MGAT5: variants seen among roughly 807,000 people sequenced by gnomAD.
MGAT5 encodes alpha-1,6-mannosylglycoprotein 6-beta-N-acetylglucosaminyltransferase A.
A neutral mutation model predicts 94.3 loss-of-function variants in MGAT5; 30 were observed. The observed-to-expected ratio is 0.32, with a 90% CI of 0.24 to 0.43. The LOEUF (loss-of-function observed/expected upper bound fraction) is 0.43, where lower values mean the gene tolerates loss of function less well. Ranked by LOEUF, MGAT5 falls within the 20% of genes least tolerant of loss-of-function variation. The pLI is 1.00. For synonymous variants in MGAT5, 310 were observed against 322.9 expected (o/e 0.96, Z 0.43); for missense variants, 691 against 905.5 (o/e 0.76, Z 3.04).
chr2:134,349,220 C>G (rs1558813600), intron 8 of MGAT5, among the ~76,000 whole-genome samples: 1 of 152,130 alleles, frequency 6.6e-6, no homozygotes, highest in African/African-American at 2.4e-5. Context: ...AACATTTTCA[C>G]TTGTATCTTC....
At chr2:134,279,822 C>T (rs1684587513) in intron 2 of MGAT5, among the ~76,000 whole-genome samples, 1 of 152,214 alleles carries the variant, frequency 6.6e-6, no homozygotes, top group Non-Finnish European at 1.5e-5. Flanking sequence ...AGACATTCCA[C>T]AGCTACAGCA....
At position 134,381,400 on chromosome 2, in the gene MGAT5, A is replaced by G. The variant is rs1477879550; in HGVS notation, c.1380+18992A>G. 8.8e-5 allele frequency among the ~76,000 whole-genome samples: 7 copies of G among 79,348 alleles called. No individual in the cohort carries two copies. In the East Asian group the frequency reaches 1.6e-3, roughly 18 times the overall value. The allele number at this position is 79,348 out of a possible 152,430, so 52.1% of individuals were successfully genotyped here. A position where few individuals can be genotyped will look rare whatever the true frequency, so the allele number is the denominator to read the frequency against. On this transcript the variant is annotated intron_variant, in intron 10 of 15. Coordinates refer to ENST00000281923, the MANE Select transcript of MGAT5 (RefSeq NM_002410.5). ...AGATAGATTAGATAGATAGATAGATAGATAGATAGATAGATAGATAGATAG... is the reference window on the plus strand; with the variant it reads ...AGATAGATTAGATAGATAGATAGATGGATAGATAGATAGATAGATAGATAG...
At chr2:134,169,411 C>T (rs6738536) in intron 1 of MGAT5, among the ~76,000 whole-genome samples, 12 of 115,698 alleles carry the variant, frequency 1.0e-4, no homozygotes, top group Non-Finnish European at 2.0e-4. Flanking sequence ...CACACACACA[C>T]AGACACACAC....
At chr2:134,153,748 A>G (rs923664467) in intron 1 of MGAT5, among the ~76,000 whole-genome samples, 3 of 151,944 alleles carry the variant, frequency 2.0e-5, no homozygotes, top group Admixed American at 2.0e-4. Flanking sequence ...CTTACAGGCC[A>G]CTCGAGGACG....
chr2:134,250,920 T>C (rs1369768974), upstream of MGAT5, among the ~76,000 whole-genome samples: 1 of 152,240 alleles, frequency 6.6e-6, no homozygotes, highest in African/African-American at 2.4e-5. Flanking sequence ...AGAAGCCTTC[T>C]ACCTTCTAAG....
intron 1 of MGAT5, among the ~76,000 whole-genome samples, chr2:134,209,143 TTTTTTTTTA>T (rs770476122): frequency 0.026 from 762 of 28,882 alleles, 100 homozygotes; most frequent in South Asian, 0.05. Flanking sequence ...ACTGGCTTAT[TTTTTTTTTA>T]TTTTTTTTTT....
At chr2:134,260,658 G>T (rs1479906750) in intron 1 of MGAT5, among the ~76,000 whole-genome samples, 1 of 151,500 alleles carries the variant, frequency 6.6e-6, no homozygotes, top group Non-Finnish European at 1.5e-5. Context: ...CCTACAAATA[G>T]GGAAATATGG....
chr2:134,305,373 T>TG (rs1251825188), intron 2 of MGAT5, among the ~76,000 whole-genome samples: 2 of 152,186 alleles, frequency 1.3e-5, no homozygotes, highest in Non-Finnish European at 2.9e-5. Context: ...ATAAGACGCT[T>TG]GTGACAAGTG....
chr2:134,357,811 T>C (rs1573906930), intron 9 of MGAT5, among the ~76,000 whole-genome samples: 1 of 151,882 alleles, frequency 6.6e-6, no homozygotes. Flanking sequence ...GCTCAACTTA[T>C]ATTACAGTTT....
chr2:134,324,468 A>G (rs570780686), intron 4 of MGAT5, among the ~76,000 whole-genome samples: 9 of 152,286 alleles, frequency 5.9e-5, no homozygotes, highest in African/African-American at 2.2e-4. Flanking sequence ...TTGGCTGAGC[A>G]TGTAATTAAC....
At position 134,257,851 on chromosome 2, in the gene MGAT5, T is replaced by TTTTTTC; in HGVS notation, c.241+3211_241+3212insTCTTTT. On this transcript the variant is annotated intron_variant, in intron 1 of 15. Transcript: ENST00000281923. Reference sequence around the variant, plus strand: ...TTTGCAGTCTCTTTTTTTTTTTTTTTTTTTGCCATAAATGCAGCCTATGTG... The same window carrying TTTTTTC: ...TTTGCAGTCTCTTTTTTTTTTTTTTTTTTTTCTTTTGCCATAAATGCAGCCTATGTG... 4.7e-5 allele frequency among the ~76,000 whole-genome samples: 7 copies of TTTTTTC among 150,466 alleles called. No homozygotes were observed. The East Asian group carries it at 1.2e-3, about 25-fold the overall frequency.
intron 9 of MGAT5, among the ~76,000 whole-genome samples, chr2:134,352,176 T>C (rs942361831): frequency 5.3e-5 from 8 of 152,172 alleles, no homozygotes; most frequent in African/African-American, 1.9e-4. Context: ...GCATTTTCTT[T>C]CTTCAACTAA....
intron 1 of MGAT5, among the ~76,000 whole-genome samples, chr2:134,174,016 A>C (rs532954938): frequency 6.6e-6 from 1 of 152,310 alleles, no homozygotes; most frequent in East Asian, 1.9e-4. Context: ...TCCTGGCTTT[A>C]TGCTTAGATT....
At chr2:134,213,996 C>T (rs1325873423) in intron 1 of MGAT5, among the ~76,000 whole-genome samples, 1 of 152,148 alleles carries the variant, frequency 6.6e-6, no homozygotes, top group African/African-American at 2.4e-5. Flanking sequence ...ATCCTCTAGT[C>T]ATACAGTGGT....
At chr2:134,432,438 G>A (rs1396786903) in intron 14 of MGAT5, among the ~76,000 whole-genome samples, 6 of 152,216 alleles carry the variant, frequency 3.9e-5, no homozygotes, top group Non-Finnish European at 8.8e-5. Context: ...CCACTATGGA[G>A]TGTTCTGGAT....
intron 15 of MGAT5, among the ~76,000 whole-genome samples, chr2:134,442,567 TG>T (rs1685545183): frequency 6.6e-6 from 1 of 152,190 alleles, no homozygotes; most frequent in South Asian, 2.1e-4. Context: ...CTGGGAATGC[TG>T]GCCCAGGGCT....
At chr2:134,447,560 C>T (rs551425594) in intron 15 of MGAT5, among the ~76,000 whole-genome samples, 3 of 152,344 alleles carry the variant, frequency 2.0e-5, no homozygotes, top group South Asian at 4.1e-4. Flanking sequence ...AGCCAGGACT[C>T]AAACCCAGGT....
At chr2:134,171,660 A>G (rs1321064479) in intron 1 of MGAT5, among the ~76,000 whole-genome samples, 1 of 152,182 alleles carries the variant, frequency 6.6e-6, no homozygotes, top group African/African-American at 2.4e-5. Context: ...AGTTCATACA[A>G]TCTCTTTGTC....
chr2:134,323,606 G>T (rs7592509), intron 4 of MGAT5, among the ~76,000 whole-genome samples: 119,084 of 152,004 alleles, frequency 0.78, 47,270 homozygotes, highest in East Asian at 0.93. Flanking sequence ...GAAGGAAAAC[G>T]GATCTTAGGT....
Sources: allele counts gnomAD v4.1 joint callset (sites outside exome capture counted in the v4.1 genomes callset), GRCh38; gene constraint gnomAD v4.1.1; transcripts MANE v1.5; gene names NCBI Gene and HGNC (gene_info 2026-07-23, HGNC 2026-07-21).